DNAH14: variants seen among roughly 807,000 people sequenced by gnomAD.
DNAH14 encodes the protein dynein axonemal heavy chain 14.
In DNAH14, 478 loss-of-function variants were observed where a neutral mutation model predicts 520.9. The ratio of observed to expected loss-of-function variants is 0.92; its 90% CI spans 0.85 to 0.99. The LOEUF (loss-of-function observed/expected upper bound fraction) is 0.99. DNAH14 is among the 50% of genes least tolerant of loss of function. The pLI is 0.00. For missense variants in DNAH14, 4,831 were observed against 5,234.5 expected (o/e 0.92, Z 2.38); for synonymous variants, 1,581 against 1,757.2 (o/e 0.90, Z 2.51).
chr1:225,232,278 T>TACACAC lies in DNAH14; in HGVS notation c.6518+1128_6518+1129insCACACA, dbSNP rs200880149. 8.2e-5 allele frequency among the ~76,000 whole-genome samples: 11 copies of TACACAC among 133,836 alleles called. No individual in the cohort carries two copies. Among genetic ancestry groups the TACACAC allele is most frequent in the East Asian group, 5.3e-4 (2 of 3,758 alleles). 87.8% of individuals were successfully genotyped at this position (133,836 alleles called of 152,430 possible). A position where few individuals can be genotyped will look rare whatever the true frequency, so the allele number is the denominator to read the frequency against. On this transcript the variant is annotated intron_variant, in intron 42 of 85. Transcript: ENST00000682510. The surrounding 1 kb of genome is among the most constrained non-coding windows in gnomAD (Gnocchi z 4.2). The stretch of plus-strand genomic sequence containing the variant: ...ATATATATAAACTGTGATATATATA[T>TACACAC]ATACACACACACACACACACACGTG...
intron 44 of DNAH14, among the ~76,000 whole-genome samples, chr1:225,254,420 AATACAGGTG>A (rs1287508298): frequency 1.3e-5 from 2 of 152,214 alleles, no homozygotes; most frequent in African/African-American, 4.8e-5. Context: ...GTTGCAGGTG[AATACAGGTG>A]ATCCTTTATA....
chr1:225,153,757 A>G lies in DNAH14; in HGVS notation c.5204A>G (p.Tyr1735Cys). 6.5e-7 allele frequency: 1 copy of G among 1,545,290 alleles called. No homozygotes were observed. The highest frequency in any genetic ancestry group is 8.8e-7 in the Non-Finnish European group (1 of 1,142,608). ...ARKQLSQQDH[Y>C]NFGLRSLKIV... ...TATTTTAATGTTTGATAGGATCATT[A>G]TAATTTTGGCTTGAGATCTCTGAAG... Residue 1735 changes from tyrosine to cysteine, a missense_variant, in exon 34 of 86, where the codon TAT becomes TGT. Transcript: ENST00000682510.
chr1:225,272,451 A>C (rs2093339757), intron 51 of DNAH14, among the ~76,000 whole-genome samples: 1 of 152,226 alleles, frequency 6.6e-6, no homozygotes, highest in African/African-American at 2.4e-5. Context: ...GTGCTGACTT[A>C]GTTATCAGCC....
intron 25 of DNAH14, among the ~76,000 whole-genome samples, chr1:225,118,904 A>AG (rs60573726): frequency 1.3e-5 from 2 of 149,782 alleles, no homozygotes; most frequent in South Asian, 2.1e-4. Flanking sequence ...AAAAAAAAAA[A>AG]GAAAAGAAAA....
chr1:225,322,083 T>G (rs1361385396), intron 61 of DNAH14, among the ~76,000 whole-genome samples: 1 of 117,230 alleles, frequency 8.5e-6, no homozygotes, highest in Non-Finnish European at 1.7e-5. Flanking sequence ...TTTTTTTTCT[T>G]TCTTTTTTTT....
intron 38 of DNAH14, among the ~76,000 whole-genome samples, chr1:225,203,457 G>A (rs538894518): frequency 3.3e-5 from 5 of 152,194 alleles, no homozygotes; most frequent in Non-Finnish European, 5.9e-5. Context: ...CCTACACTGT[G>A]CCCCCAGCAT....
At chr1:225,050,595 A>C (rs1375551320) in intron 16 of DNAH14, among the ~76,000 whole-genome samples, 3 of 152,146 alleles carry the variant, frequency 2.0e-5, no homozygotes, top group Admixed American at 2.0e-4. Flanking sequence ...TTTCTCTTTT[A>C]TGGCTACCTC....
chr1:225,225,527 G>C (rs895737175), intron 41 of DNAH14, among the ~76,000 whole-genome samples: 2 of 152,032 alleles, frequency 1.3e-5, no homozygotes, highest in Non-Finnish European at 2.9e-5. Flanking sequence ...CCAAGGACAG[G>C]CCATAGTAGA....
At chr1:225,144,731 T>C (rs571761639) in intron 29 of DNAH14, 103 bp downstream of exon 29, 1 of 897,268 alleles carries the variant, frequency 1.1e-6, no homozygotes, top group Non-Finnish European at 1.7e-6. Flanking sequence ...AAGATGTTCA[T>C]TGCATTAACA....
At chr1:225,204,552 A>G (rs2087283001) in intron 39 of DNAH14, among the ~76,000 whole-genome samples, 2 of 152,332 alleles carry the variant, frequency 1.3e-5, no homozygotes, top group South Asian at 4.1e-4. Context: ...GAAATAAACA[A>G]TGATGTGATA....
intron 23 of DNAH14, among the ~76,000 whole-genome samples, chr1:225,109,623 C>A (rs1437909478): frequency 6.6e-6 from 1 of 151,768 alleles, no homozygotes; most frequent in East Asian, 1.9e-4. Flanking sequence ...TTAGGTTTTC[C>A]CCTATATAAG....
intron 71 of DNAH14, among the ~76,000 whole-genome samples, chr1:225,348,694 C>G (rs2095322098): frequency 6.6e-6 from 1 of 152,152 alleles, no homozygotes; most frequent in African/African-American, 2.4e-5. Flanking sequence ...TTTATTACCA[C>G]TAGAACTGCT....
chr1:224,967,540 A>G lies in DNAH14; in HGVS notation c.608A>G (p.His203Arg). 6.2e-7 allele frequency: 1 copy of G among 1,604,268 alleles called. No individual in the cohort carries two copies. The highest frequency in any genetic ancestry group is 8.5e-7 in the Non-Finnish European group (1 of 1,176,308). The change falls in exon 6 of 86, where the codon CAT (histidine) becomes CGT (arginine). Residue 203 changes from histidine (H) to arginine (R), a missense_variant. Physicochemically the swap from His to Arg is conservative, Grantham distance 29. Transcript: ENST00000682510. ...GTAGTATCGGCTCATACTGCTAAACATTGCAAAGAATTTTGGGTTATTACT... is the reference window on the plus strand; with the variant it reads ...GTAGTATCGGCTCATACTGCTAAACGTTGCAAAGAATTTTGGGTTATTACT... ...LQVVSAHTAKHCKEFWVITAS... is the reference protein window; with the variant it reads ...LQVVSAHTAKRCKEFWVITAS...
intron 1 of DNAH14, among the ~76,000 whole-genome samples, chr1:224,948,728 A>G (rs1490443530): frequency 6.6e-6 from 1 of 152,020 alleles, no homozygotes; most frequent in East Asian, 1.9e-4. Flanking sequence ...CATTCTATAT[A>G]TACTTTAGTC....
chr1:224,958,821 G>T, intron 3 of DNAH14, among the ~76,000 whole-genome samples: 1 of 152,076 alleles, frequency 6.6e-6, no homozygotes, highest in East Asian at 1.9e-4. Flanking sequence ...GAGAAAGTTG[G>T]CTCTCCCGTG....
intron 41 of DNAH14, among the ~76,000 whole-genome samples, chr1:225,214,353 A>G (rs141393655): frequency 0.13 from 19,450 of 152,160 alleles, 1,403 homozygotes; most frequent in East Asian, 0.31. Flanking sequence ...CATCAAGGAT[A>G]TTGGTCTAAA....
intron 8 of DNAH14, among the ~76,000 whole-genome samples, chr1:224,979,657 A>C (rs1572209908): frequency 6.6e-6 from 1 of 152,300 alleles, no homozygotes; most frequent in East Asian, 1.9e-4. Flanking sequence ...ATCAGCTGGA[A>C]AGGCTAAGAG....
At position 225,172,472 on chromosome 1, in the gene DNAH14, GACAA is replaced by G. The variant is rs1404642036; in HGVS notation, c.5535+4448_5535+4451del. ...CAAGCATTCTTATACACCAATAACAGACAAACAGAGAGCCAAATCATGAGTGAAC... is the reference window on the plus strand; with the variant it reads ...CAAGCATTCTTATACACCAATAACAGACAGAGAGCCAAATCATGAGTGAAC... On this transcript the variant is annotated intron_variant, in intron 36 of 85. Coordinates refer to ENST00000682510, the MANE Select transcript of DNAH14 (RefSeq NM_001367479.1). 3.3e-5 allele frequency among the ~76,000 whole-genome samples: 5 copies of G among 152,156 alleles called. No homozygotes were observed. The South Asian group carries it at 8.3e-4, about 25-fold the overall frequency.
chr1:225,097,799 A>G (rs1427258562), intron 22 of DNAH14, among the ~76,000 whole-genome samples: 2 of 152,148 alleles, frequency 1.3e-5, no homozygotes, highest in Non-Finnish European at 2.9e-5. Context: ...CAGATACATC[A>G]TTATAATCCC....
Sources: allele counts gnomAD v4.1 joint callset (sites outside exome capture counted in the v4.1 genomes callset), GRCh38; gene constraint gnomAD v4.1.1; non-coding constraint Gnocchi (gnomAD v3.1); transcripts MANE v1.5; gene names NCBI Gene and HGNC (gene_info 2026-07-23, HGNC 2026-07-21).